Variants in CHN1 observed in about 807,000 individuals in gnomAD.
The protein encoded by CHN1 is chimerin 1, also known as N-chimaerin.
A neutral mutation model predicts 59.5 loss-of-function variants in CHN1; 37 were observed. The observed-to-expected ratio is 0.62, with a 90% confidence interval of 0.48 to 0.82. The LOEUF (loss-of-function observed/expected upper bound fraction) is 0.82, where lower values mean the gene tolerates loss of function less well. Ranked by LOEUF, CHN1 falls within the 40% of genes least tolerant of loss-of-function variation. CHN1 has a pLI of 0.00. For synonymous variants in CHN1, 206 were observed against 200.4 expected (o/e 1.03, Z -0.24); for missense variants, 469 against 571.0 (o/e 0.82, Z 1.82).
In CHN1 at chr2:174,915,161, T is replaced by C. The variant is rs1164174242; in HGVS notation, c.157A>G (p.Met53Val). The change falls in exon 5 of 13, where the codon ATG (methionine) becomes GTG (valine). Residue 53 changes from methionine to valine, a missense_variant. Met to Val is a conservative substitution (Grantham distance 21). This residue lies in a region of CHN1 where 152 missense variants were observed against 166.1 expected (regional missense o/e 0.92). Coordinates refer to ENST00000409900, the MANE Select transcript of CHN1 (RefSeq NM_001822.7). ...TGGTCGGCTGCTTCTCTGGAGATCA[T>C]GCCATGAAACCTAAGAAACAAAGTC... ...PKYYGREFHG[M>V]ISREAADQLL... The C allele has an allele frequency of 2.5e-6, 4 of 1,609,364 alleles. No individual in the cohort carries two copies. The highest frequency in any genetic ancestry group is 1.7e-5 in the Admixed American group (1 of 59,492).
chr2:174,968,613 T>A (rs1032486798), intron 1 of CHN1, among the ~76,000 whole-genome samples: 2 of 152,252 alleles, frequency 1.3e-5, no homozygotes, highest in Non-Finnish European at 2.9e-5. Context: ...TACTTGTTTT[T>A]CTTCCTGAGA....
intron 8 of CHN1, among the ~76,000 whole-genome samples, chr2:174,822,646 C>T (rs772579098): frequency 1.2e-4 from 18 of 152,226 alleles, no homozygotes; most frequent in Non-Finnish European, 2.5e-4. Context: ...CCATTGTTCT[C>T]GAGCAGGCAA....
At chr2:174,888,524 G>T (rs1374713949) in intron 5 of CHN1, among the ~76,000 whole-genome samples, 1 of 152,154 alleles carries the variant, frequency 6.6e-6, no homozygotes, top group Non-Finnish European at 1.5e-5. Context: ...AACATTCAGT[G>T]CATTTAATAA....
chr2:174,877,718 A>G, intron 6 of CHN1, 122 bp downstream of exon 6: 1 of 764,392 alleles, frequency 1.3e-6, no homozygotes, highest in Non-Finnish European at 2.0e-6. Context: ...GAAACTAGAC[A>G]TTAAGAAAAA....
chr2:174,906,907 GA>G (rs1015432639), intron 5 of CHN1, among the ~76,000 whole-genome samples: 13 of 152,140 alleles, frequency 8.5e-5, no homozygotes, highest in South Asian at 4.1e-4. Context: ...TAAAAGGGGG[GA>G]AAAAATGAGG....
At position 174,877,882 on chromosome 2, in the gene CHN1, A is replaced by G; in HGVS notation, c.507T>C (p.Asp169=). Residue 169 remains aspartate (D), a synonymous_variant, in exon 6 of 13, where the codon GAT becomes GAC. Transcript: ENST00000409900. The stretch of plus-strand genomic sequence containing the variant: ...CATCCTGGCCTGTAGAATCTCTCTC[A>G]TCATGTGTCTCTTTCAGGACTGGCA... The part of the protein sequence containing the change: ...KHMPVLKETH[D]ERDSTGQDGV... 7 of 1,613,512 alleles carry G rather than the reference A, an allele frequency of 4.3e-6. No individual in the cohort carries two copies. The highest frequency in any genetic ancestry group is 5.9e-6 in the Non-Finnish European group (7 of 1,179,538).
intron 5 of CHN1, among the ~76,000 whole-genome samples, chr2:174,905,565 A>AT (rs1165322409): frequency 4.9e-4 from 73 of 147,548 alleles, no homozygotes; most frequent in South Asian, 8.6e-4. Flanking sequence ...ATAAAAAAAA[A>AT]TTTTTTTTTT....
chr2:174,824,382 C>T, intron 8 of CHN1, 52 bp downstream of exon 8: 1 of 1,396,154 alleles, frequency 7.2e-7, no homozygotes, highest in South Asian at 1.3e-5. Flanking sequence ...TCTACCTCAC[C>T]TCTTATAACT....
At chr2:174,815,550 T>A (rs1685220767) in intron 8 of CHN1, among the ~76,000 whole-genome samples, 1 of 152,038 alleles carries the variant, frequency 6.6e-6, no homozygotes, top group African/African-American at 2.4e-5. Context: ...AAAATTTCCA[T>A]TTGGTTCTTC....
At chr2:175,003,963 A>C (rs1349813548) in intron 1 of CHN1, among the ~76,000 whole-genome samples, 1 of 152,258 alleles carries the variant, frequency 6.6e-6, no homozygotes, top group Non-Finnish European at 1.5e-5. Context: ...TGTTTGATCA[A>C]ATGACATAAT....
intron 3 of CHN1, among the ~76,000 whole-genome samples, chr2:174,943,486 A>G (rs551617001): frequency 2.0e-4 from 31 of 151,974 alleles, no homozygotes; most frequent in Non-Finnish European, 4.1e-4. Flanking sequence ...CAGCCTCCCA[A>G]AGTGCTTGGA....
chr2:174,930,914 C>T (rs1403805975), intron 3 of CHN1, among the ~76,000 whole-genome samples: 1 of 152,044 alleles, frequency 6.6e-6, no homozygotes, highest in African/African-American at 2.4e-5. Flanking sequence ...TACAGGCATG[C>T]ACCACCTACG....
intron 1 of CHN1, among the ~76,000 whole-genome samples, chr2:174,995,177 T>C (rs1691668337): frequency 6.6e-6 from 1 of 152,236 alleles, no homozygotes; most frequent in Admixed American, 6.5e-5. Context: ...CAGTCCTTGA[T>C]AAATTTTAAG....
chr2:174,801,971 A>T, intron 11 of CHN1, 159 bp from the exon 12 acceptor site: 2 of 549,612 alleles, frequency 3.6e-6, no homozygotes, highest in Admixed American at 5.5e-5. Flanking sequence ...TTAAGGTTCA[A>T]GTCCAGATTT....
intron 5 of CHN1, among the ~76,000 whole-genome samples, chr2:174,888,234 A>C (rs1687946973): frequency 6.6e-6 from 1 of 152,174 alleles, no homozygotes; most frequent in Non-Finnish European, 1.5e-5. Flanking sequence ...AGTTATTGGA[A>C]CCCTTGGCAA....
rs370550062 is a variant in CHN1 at position 174,846,928 on chromosome 2, C to A, written c.579G>T (p.Leu193=). The A allele has an allele frequency of 2.6e-6, 4 of 1,553,408 alleles. No individual in the cohort carries two copies. Among genetic ancestry groups the A allele is most frequent in the Non-Finnish European group, 3.5e-6 (4 of 1,147,620 alleles). The change falls in exon 7 of 13, where the codon CTG becomes CTT. Residue 193 remains leucine, a synonymous_variant. Transcript: ENST00000409900. ...RLTSLVRRAT[L]KENEQIPKYE... is the part of the protein sequence containing the mutation. ...ATTTTGGAATTTGCTCGTTTTCTTTCAGAGTTGCTCTTCTAACAAGTGATG... is the reference window on the plus strand; with the variant it reads ...ATTTTGGAATTTGCTCGTTTTCTTTAAGAGTTGCTCTTCTAACAAGTGATG...
At chr2:174,853,746 CT>C (rs1686815664) in intron 6 of CHN1, among the ~76,000 whole-genome samples, 1 of 152,204 alleles carries the variant, frequency 6.6e-6, no homozygotes, top group Admixed American at 6.5e-5. Flanking sequence ...TACATACACA[CT>C]ATGGTATACT....
intron 7 of CHN1, among the ~76,000 whole-genome samples, chr2:174,839,979 T>C (rs756851169): frequency 5.3e-5 from 8 of 152,112 alleles, no homozygotes; most frequent in African/African-American, 9.6e-5. Flanking sequence ...CTCTCCAAAG[T>C]TTAAACTACC....
intron 1 of CHN1, among the ~76,000 whole-genome samples, chr2:174,985,519 C>T (rs1691310729): frequency 6.6e-6 from 1 of 151,892 alleles, no homozygotes; most frequent in Admixed American, 6.6e-5. Flanking sequence ...TTACTAATAC[C>T]CATTGTTCTA....
Sources: gnomAD v4.1 joint callset for allele counts (sites outside exome capture counted in the v4.1 genomes callset) on GRCh38, gnomAD v4.1.1 for gene constraint, gnomAD v4.1.1 regional missense constraint, MANE v1.5 for transcripts, NCBI Gene and HGNC (gene_info 2026-07-23, HGNC 2026-07-21) for gene names.